CTNNA3: variants seen among roughly 807,000 people sequenced by gnomAD.
CTNNA3 encodes the protein catenin alpha-3.
CTNNA3 carries 76 observed loss-of-function variants against 95.7 expected under a neutral mutation model. That is an observed-to-expected ratio of 0.79 (90% CI 0.66 to 0.96). The LOEUF (loss-of-function observed/expected upper bound fraction) is 0.96. CTNNA3 is among the 40% of genes least tolerant of loss of function. The pLI is 0.00. For missense variants in CTNNA3, 1,191 were observed against 1,089.8 expected, an observed-to-expected ratio of 1.09 and a Z score of -1.31; for synonymous variants, 431 against 374.4, an observed-to-expected ratio of 1.15 and a Z score of -1.74.
chr10:67,064,137 GT>G (rs1251379034), intron 7 of CTNNA3, among the ~76,000 whole-genome samples: 2 of 151,968 alleles, frequency 1.3e-5, no homozygotes, highest in African/African-American at 4.8e-5. Context: ...CTATCAACTT[GT>G]TTTTTTCATG....
chr10:67,292,567 TC>T (rs1245641497), intron 5 of CTNNA3, among the ~76,000 whole-genome samples: 1 of 152,120 alleles, frequency 6.6e-6, no homozygotes, highest in Non-Finnish European at 1.5e-5. Flanking sequence ...TTAGTCCCCC[TC>T]CCATTTTTAT....
chr10:65,978,461 C>G (rs2078251667), intron 16 of CTNNA3, among the ~76,000 whole-genome samples: 2 of 147,672 alleles, frequency 1.4e-5, no homozygotes, highest in African/African-American at 5.0e-5. Context: ...TGTTGTTGTT[C>G]TCAGCTTTTG....
At chr10:66,976,253 G>T (rs544693138) in intron 7 of CTNNA3, among the ~76,000 whole-genome samples, 33 of 152,242 alleles carry the variant, frequency 2.2e-4, no homozygotes, top group African/African-American at 7.9e-4. Context: ...CATAGAAATG[G>T]AATGGCGGCA....
chr10:67,675,982 A>G (rs1054031040), intron 1 of CTNNA3, among the ~76,000 whole-genome samples: 5 of 152,106 alleles, frequency 3.3e-5, no homozygotes, highest in African/African-American at 7.2e-5. Flanking sequence ...CTAGAATGCA[A>G]TCATAGGGAT....
At chr10:65,979,977 G>A (rs1338080200) in intron 16 of CTNNA3, among the ~76,000 whole-genome samples, 4 of 151,632 alleles carry the variant, frequency 2.6e-5, no homozygotes, top group African/African-American at 9.7e-5. Context: ...GATCTGAGCA[G>A]AATAAAATGA....
intron 14 of CTNNA3, among the ~76,000 whole-genome samples, chr10:66,070,282 C>T (rs1311705897): frequency 1.3e-5 from 2 of 152,010 alleles, no homozygotes; most frequent in Non-Finnish European, 2.9e-5. Flanking sequence ...TGGCATATGG[C>T]AAAGCACGTA....
At chr10:66,783,114 C>T (rs183811257) in intron 7 of CTNNA3, among the ~76,000 whole-genome samples, 15 of 152,240 alleles carry the variant, frequency 9.9e-5, no homozygotes, top group African/African-American at 3.6e-4. Flanking sequence ...ACTGAGAACA[C>T]TACACTCCAG....
At chr10:67,222,316 C>T (rs917742278) in intron 5 of CTNNA3, among the ~76,000 whole-genome samples, 14 of 152,114 alleles carry the variant, frequency 9.2e-5, no homozygotes, top group Non-Finnish European at 1.5e-4. Context: ...CTACGATTTC[C>T]CCCTTGTATA....
At chr10:67,100,149 C>G (rs925521576) in intron 7 of CTNNA3, among the ~76,000 whole-genome samples, 2 of 151,622 alleles carry the variant, frequency 1.3e-5, no homozygotes, top group South Asian at 4.1e-4. Context: ...TGTTAAGGTT[C>G]CAAGGAGTCT....
chr10:67,120,550 A>G (rs1311357775), intron 7 of CTNNA3, among the ~76,000 whole-genome samples: 1 of 151,970 alleles, frequency 6.6e-6, no homozygotes, highest in Non-Finnish European at 1.5e-5. Context: ...TCTGAAATGA[A>G]AAGAAATTTC....
At chr10:67,698,759 G>C (rs1841009365), upstream of CTNNA3, among the ~76,000 whole-genome samples, 1 of 151,836 alleles carries the variant, frequency 6.6e-6, no homozygotes, top group Admixed American at 6.6e-5. Context: ...TCAAAAATAT[G>C]TGATAAATAC....
rs147072185 is a variant in CTNNA3, at chr10:67,004,447, G to C, written c.1047+175870C>G. Among the ~76,000 whole-genome samples the C allele has an allele frequency of 4.2e-4, 64 of 152,270 alleles. No individual in the cohort carries two copies. In the East Asian group the frequency reaches 0.012, roughly 28 times the overall value. ...ACATGTAAGGACAGCCCCATGGCAT[G>C]GTGTCTGATACTTCATCTCTGTTAG... On this transcript the variant is annotated intron_variant, in intron 7 of 17. Coordinates refer to ENST00000433211, the MANE Select transcript of CTNNA3 (RefSeq NM_013266.4).
At chr10:67,555,930 G>C (rs981701000) in intron 3 of CTNNA3, among the ~76,000 whole-genome samples, 1 of 152,030 alleles carries the variant, frequency 6.6e-6, no homozygotes, top group Non-Finnish European at 1.5e-5. Flanking sequence ...TATGTCCAAT[G>C]AATACCTAAT....
intron 5 of CTNNA3, among the ~76,000 whole-genome samples, chr10:67,392,981 C>T (rs1313267224): frequency 6.6e-6 from 1 of 151,780 alleles, no homozygotes; most frequent in Non-Finnish European, 1.5e-5. Context: ...GGGTGCAGCG[C>T]ACCAGCATGG....
chr10:67,200,276 T>C (rs933478869), intron 6 of CTNNA3, among the ~76,000 whole-genome samples: 3 of 152,128 alleles, frequency 2.0e-5, no homozygotes, highest in Admixed American at 1.3e-4. Flanking sequence ...GGGGAAAGTA[T>C]GTAGAAACTT....
chr10:67,428,463 A>G (rs1845995182), intron 5 of CTNNA3, among the ~76,000 whole-genome samples: 1 of 152,100 alleles, frequency 6.6e-6, no homozygotes. Flanking sequence ...TTTTTCCAGG[A>G]ACACAACTAG....
intron 7 of CTNNA3, among the ~76,000 whole-genome samples, chr10:66,780,149 G>T (rs546092151): frequency 1.3e-5 from 2 of 152,246 alleles, no homozygotes; most frequent in African/African-American, 4.8e-5. Flanking sequence ...GCCTGATCCT[G>T]GAGGTCTTTG....
Position 66,490,025 on chromosome 10 carries a change from G to A in CTNNA3, c.1531+30592C>T, listed in dbSNP as rs889569113. ...GCATAGAGTAAAGCCAATTTATTTC[G>A]ATAGTTTCTATCGAGTGGGAATTAG... On this transcript the variant is annotated intron_variant, in intron 11 of 17. Transcript: ENST00000433211. Among the ~76,000 whole-genome samples, 6 of 152,114 alleles carry A rather than the reference G, an allele frequency of 3.9e-5. 1 individual carries two copies. Among genetic ancestry groups the A allele is most frequent in the Non-Finnish European group, 8.8e-5 (6 of 68,020 alleles).
intron 1 of CTNNA3, among the ~76,000 whole-genome samples, chr10:67,735,146 A>ACAC (rs1564843090): frequency 0.019 from 1,598 of 85,850 alleles, 41 homozygotes; most frequent in African/African-American, 0.067. Flanking sequence ...CACACACACA[A>ACAC]ACACACACAC....
Sources: gnomAD v4.1 joint callset for allele counts (sites outside exome capture counted in the v4.1 genomes callset) on GRCh38, gnomAD v4.1.1 for gene constraint, MANE v1.5 for transcripts, NCBI Gene and HGNC (gene_info 2026-07-23, HGNC 2026-07-21) for gene names.